The following FRMD6 variants were observed in gnomAD, a reference collection of about 807,000 sequenced individuals.
FRMD6 encodes FERM domain-containing protein 6.
In FRMD6, 37 loss-of-function variants were observed where a neutral mutation model predicts 73.2. The ratio of observed to expected loss-of-function variants is 0.51; its 90% CI spans 0.39 to 0.66. FRMD6 has a LOEUF of 0.66. Ranked by LOEUF, FRMD6 falls within the 30% of genes least tolerant of loss-of-function variation. The probability of loss-of-function intolerance (pLI) is 0.00; values close to 1 mark genes in which losing one functional copy is unlikely to be tolerated. For synonymous variants in FRMD6, 273 were observed against 282.2 expected, an observed-to-expected ratio of 0.97 and a Z score of 0.33; for missense variants, 714 against 780.5, an observed-to-expected ratio of 0.91 and a Z score of 1.02.
At chr14:51,686,434 T>C (rs1372049996) in intron 1 of FRMD6, among the ~76,000 whole-genome samples, 1 of 152,172 alleles carries the variant, frequency 6.6e-6, no homozygotes, top group Non-Finnish European at 1.5e-5. Flanking sequence ...GGCTTCCTGA[T>C]TCTTAAAAGA....
At position 51,603,119 on chromosome 14, in the gene FRMD6, A is replaced by G. The variant is rs535225502; in HGVS notation, c.-147+32709A>G. On this transcript the variant is annotated intron_variant, in intron 2 of 14. Coordinates refer to the FRMD6 transcript ENST00000356218. Reference sequence around the variant, plus strand: ...GAGAGCCAGCCAGCTCTTCCACCACATGTGGATACAGCAAGAAGCTACCAT... The same window carrying G: ...GAGAGCCAGCCAGCTCTTCCACCACGTGTGGATACAGCAAGAAGCTACCAT... Among the ~76,000 whole-genome samples the G allele has an allele frequency of 1.1e-4, 16 of 152,328 alleles. No homozygotes were observed. The South Asian group carries it at 3.3e-3, about 32-fold the overall frequency.
the FRMD6 span, among the ~76,000 whole-genome samples, chr14:51,423,266 C>A: frequency 6.6e-6 from 1 of 152,202 alleles, no homozygotes; most frequent in Non-Finnish European, 1.5e-5. Flanking sequence ...AGTCTCCAAG[C>A]TTCTAGTTCT....
rs140054538 is a variant in FRMD6, at chr14:51,498,491, G to A, written c.-210+9071G>A. Among the ~76,000 whole-genome samples, 369 of 152,286 alleles carry A rather than the reference G, an allele frequency of 2.4e-3. 2 individuals are homozygous for A. Among genetic ancestry groups the A allele is most frequent in the African/African-American group, 8.1e-3 (338 of 41,558 alleles). On this transcript the variant is annotated intron_variant, in intron 1 of 14. Transcript: ENST00000356218. ...AAAACAATAATTTGTTATTTCTCAT[G>A]ATTCCATGGGTTGCCTGTCTAGCTT...
At chr14:51,683,667 C>G (rs1250466990) in intron 1 of FRMD6, among the ~76,000 whole-genome samples, 1 of 152,064 alleles carries the variant, frequency 6.6e-6, no homozygotes, top group Non-Finnish European at 1.5e-5. Context: ...TCTCATTTAA[C>G]CCTTCCAATA....
chr14:51,663,276 G>A (rs183393599), intron 1 of FRMD6, among the ~76,000 whole-genome samples: 9 of 152,216 alleles, frequency 5.9e-5, no homozygotes, highest in Non-Finnish European at 1.3e-4. Context: ...TATACCCAAA[G>A]GAATATAAAT....
intron 2 of FRMD6, among the ~76,000 whole-genome samples, chr14:51,614,563 G>GT (rs1431367844): frequency 2.0e-5 from 3 of 152,098 alleles, no homozygotes; most frequent in South Asian, 2.1e-4. Flanking sequence ...ATTTTTAATT[G>GT]TTTTTTGTGG....
At chr14:51,594,623 C>T (rs1889609073) in intron 2 of FRMD6, among the ~76,000 whole-genome samples, 1 of 152,196 alleles carries the variant, frequency 6.6e-6, no homozygotes, top group African/African-American at 2.4e-5. Context: ...GCCACCACGC[C>T]TGGCTAATTT....
At chr14:51,526,279 A>C (rs1395999367) in intron 1 of FRMD6, among the ~76,000 whole-genome samples, 1 of 151,952 alleles carries the variant, frequency 6.6e-6, no homozygotes, top group African/African-American at 2.4e-5. Context: ...ATGTCTCCTC[A>C]CCCTTATCAC....
intron 2 of FRMD6, among the ~76,000 whole-genome samples, chr14:51,607,433 A>G (rs548235312): frequency 1.6e-3 from 243 of 152,328 alleles, no homozygotes; most frequent in African/African-American, 5.2e-3. Context: ...TGGCCCTGCC[A>G]CTGAGGTGCC....
At chr14:51,457,303 A>G in the FRMD6 span, among the ~76,000 whole-genome samples, 3 of 152,206 alleles carry the variant, frequency 2.0e-5, no homozygotes. Flanking sequence ...AATTGAAAAC[A>G]TAGGCAATAA....
chr14:51,404,470 A>G, the FRMD6 span, among the ~76,000 whole-genome samples: 1 of 152,144 alleles, frequency 6.6e-6, no homozygotes, highest in Non-Finnish European at 1.5e-5. Context: ...ATGTTTTCCT[A>G]TGTAACAGTC....
At chr14:51,717,721 C>G (rs749820) in intron 10 of FRMD6, among the ~76,000 whole-genome samples, 43,414 of 151,976 alleles carry the variant, frequency 0.29, 6,666 homozygotes, top group African/African-American at 0.39. Context: ...ACATGAAAAG[C>G]CCTTTTTTGG....
At chr14:51,649,270 G>A (rs1027287932), upstream of FRMD6, among the ~76,000 whole-genome samples, 2 of 151,990 alleles carry the variant, frequency 1.3e-5, no homozygotes, top group Non-Finnish European at 2.9e-5. Flanking sequence ...GTTTAATGTG[G>A]TATTTATACT....
rs112949974 is a variant in FRMD6 at position 51,576,861 on chromosome 14, A to G, written c.-147+6451A>G. Among the ~76,000 whole-genome samples, 630 of 152,316 alleles carry G rather than the reference A, an allele frequency of 4.1e-3. 3 individuals carry two copies. The highest frequency in any genetic ancestry group is 0.013 in the African/African-American group (552 of 41,580). ...CTCCCAATTTCGTTTTTCACTGGCC[A>G]CATGATGTTAGACAAGTCTCTTTCT... On this transcript the variant is annotated intron_variant, in intron 2 of 14. Transcript: ENST00000356218.
chr14:51,625,427 C>A (rs572601691), intron 2 of FRMD6, among the ~76,000 whole-genome samples: 3 of 151,722 alleles, frequency 2.0e-5, no homozygotes, highest in Admixed American at 2.0e-4. Flanking sequence ...CTATATTTGT[C>A]CCATGGCCCT....
At chr14:51,461,019 G>C in the FRMD6 span, among the ~76,000 whole-genome samples, 1 of 152,088 alleles carries the variant, frequency 6.6e-6, no homozygotes, top group Non-Finnish European at 1.5e-5. Flanking sequence ...GAAACCCCTT[G>C]GTCAAATTTG....
chr14:51,658,859 C>T (rs1893019132), intron 1 of FRMD6, among the ~76,000 whole-genome samples: 1 of 152,086 alleles, frequency 6.6e-6, no homozygotes, highest in South Asian at 2.1e-4. Context: ...TCAGCTTAAG[C>T]TCATTAAAAA....
At chr14:51,550,745 A>AT (rs147776638) in intron 1 of FRMD6, among the ~76,000 whole-genome samples, 2,381 of 152,190 alleles carry the variant, frequency 0.016, 67 homozygotes, top group African/African-American at 0.054. Context: ...GATCTTGGCA[A>AT]TTTTCATCAT....
chr14:51,401,791 T>G, the FRMD6 span, among the ~76,000 whole-genome samples: 1 of 152,354 alleles, frequency 6.6e-6, no homozygotes, highest in East Asian at 1.9e-4. Context: ...CCTACCCATG[T>G]ATTTGGGAAG....
Sources: allele counts gnomAD v4.1 joint callset (sites outside exome capture counted in the v4.1 genomes callset), GRCh38; gene constraint gnomAD v4.1.1; transcripts MANE v1.5; gene names NCBI Gene and HGNC (gene_info 2026-07-23, HGNC 2026-07-21).